The following GRM7 variants were observed in gnomAD, a reference collection of about 807,000 sequenced individuals.
GRM7 encodes the protein metabotropic glutamate receptor 7.
In GRM7, 35 loss-of-function variants were observed where a neutral mutation model predicts 84.5. That is an observed-to-expected ratio of 0.41 (90% CI 0.32 to 0.55). GRM7 has a LOEUF of 0.55. GRM7 is among the 20% of genes least tolerant of loss of function. The pLI is 0.19. For missense variants in GRM7, 1,003 were observed against 1,194.6 expected (o/e 0.84, Z 2.36); for synonymous variants, 487 against 455.1 (o/e 1.07, Z -0.89).
chr3:7,202,182 T>C (rs548085551), intron 2 of GRM7, among the ~76,000 whole-genome samples: 11 of 152,218 alleles, frequency 7.2e-5, no homozygotes, highest in Non-Finnish European at 1.5e-4. Context: ...TTCCATGATA[T>C]ATGTAGAAGA....
intron 1 of GRM7, among the ~76,000 whole-genome samples, chr3:7,068,508 C>A (rs1353831): frequency 0.26 from 39,453 of 151,792 alleles, 5,892 homozygotes; most frequent in African/African-American, 0.41. Flanking sequence ...CTATAAGAAC[C>A]GGTTTTGATT....
chr3:7,016,396 G>T (rs1264509331), intron 1 of GRM7, among the ~76,000 whole-genome samples: 2 of 152,122 alleles, frequency 1.3e-5, no homozygotes, highest in East Asian at 3.9e-4. Flanking sequence ...GAAATTCGGG[G>T]TTTATATAGC....
chr3:7,254,965 T>C (rs565563416), intron 2 of GRM7, among the ~76,000 whole-genome samples: 1 of 152,316 alleles, frequency 6.6e-6, no homozygotes, highest in South Asian at 2.1e-4. Context: ...AATTAACATA[T>C]ATAAGACAAT....
At chr3:7,463,212 A>G (rs1419062357) in intron 7 of GRM7, among the ~76,000 whole-genome samples, 1 of 152,204 alleles carries the variant, frequency 6.6e-6, no homozygotes, top group Non-Finnish European at 1.5e-5. Flanking sequence ...CTTTTCCAGC[A>G]TAAACCCTGC....
At chr3:7,634,200 C>A (rs1697971292) in intron 8 of GRM7, among the ~76,000 whole-genome samples, 1 of 152,038 alleles carries the variant, frequency 6.6e-6, no homozygotes, top group African/African-American at 2.4e-5. Flanking sequence ...GAACTCAGAA[C>A]AGTGTAACTA....
chr3:7,703,457 G>A lies in GRM7; in HGVS notation c.2698+23162G>A, dbSNP rs77054875. ...ACATTAAGACTTTTTTTTTTAATCT[G>A]GTGGATGGCCTACACCCTGGGCTGT... On this transcript the variant is annotated intron_variant, in intron 9 of 9. Transcript: ENST00000357716. 6.5e-3 allele frequency among the ~76,000 whole-genome samples: 977 copies of A among 150,992 alleles called. 17 individuals carry two copies. The highest frequency in any genetic ancestry group is 0.06 in the East Asian group (305 of 5,118).
At chr3:7,367,445 T>G (rs1340032464) in intron 4 of GRM7, among the ~76,000 whole-genome samples, 1 of 151,908 alleles carries the variant, frequency 6.6e-6, no homozygotes, top group Non-Finnish European at 1.5e-5. Flanking sequence ...ATATTCCAAC[T>G]CCCTTAATAA....
At chr3:7,449,706 A>C (rs78180965) in intron 5 of GRM7, among the ~76,000 whole-genome samples, 1 of 152,148 alleles carries the variant, frequency 6.6e-6, no homozygotes. Flanking sequence ...CAGAACCTCA[A>C]ATCAGCAAGA....
chr3:7,153,138 T>TC (rs1044887806), intron 2 of GRM7, among the ~76,000 whole-genome samples: 11 of 150,290 alleles, frequency 7.3e-5, no homozygotes, highest in Non-Finnish European at 1.3e-4. Context: ...TGTGGATTTT[T>TC]TTTTTTTTTT....
At position 7,452,872 on chromosome 3, in the gene GRM7, A is replaced by G. The variant is rs144471689; in HGVS notation, c.1375+65A>G. On this transcript the variant is annotated intron_variant, in intron 6 of 9. Transcript: ENST00000357716. ...GTTGGCATTCTGTTTCATAAGTTTT[A>G]AATGTCTATTATTATTTACTTTAAA... 1.7e-4 allele frequency: 162 copies of G among 968,522 alleles called. 1 individual carries two copies. In the African/African-American group the frequency reaches 2.2e-3, roughly 13 times the overall value. The allele number at this position is 968,522 out of a possible 1,614,324, so 60.0% of individuals were successfully genotyped here.
At chr3:7,254,718 T>C (rs1698133008) in intron 2 of GRM7, among the ~76,000 whole-genome samples, 1 of 152,234 alleles carries the variant, frequency 6.6e-6, no homozygotes, top group East Asian at 1.9e-4. Flanking sequence ...GATTCAACCC[T>C]GGCTCCACCA....
At chr3:7,437,325 A>G (rs1697098776) in intron 5 of GRM7, among the ~76,000 whole-genome samples, 1 of 152,084 alleles carries the variant, frequency 6.6e-6, no homozygotes, top group South Asian at 2.1e-4. Flanking sequence ...TCCTTTCTCT[A>G]TCCACTTCTC....
chr3:7,342,318 A>T (rs1424430592), intron 4 of GRM7, among the ~76,000 whole-genome samples: 1 of 152,146 alleles, frequency 6.6e-6, no homozygotes, highest in Non-Finnish European at 1.5e-5. Flanking sequence ...GTCAAGAAAC[A>T]TCAAAAGTTC....
chr3:7,514,226 A>G (rs979684779), intron 7 of GRM7, among the ~76,000 whole-genome samples: 8 of 152,244 alleles, frequency 5.3e-5, no homozygotes, highest in African/African-American at 1.7e-4. Flanking sequence ...AAAAATCTGT[A>G]ATTCTCCTAT....
intron 8 of GRM7, among the ~76,000 whole-genome samples, chr3:7,668,206 G>A (rs1052372912): frequency 6.6e-6 from 1 of 152,128 alleles, no homozygotes; most frequent in African/African-American, 2.4e-5. Flanking sequence ...TGTGTGCCCT[G>A]GGAGCCTCAG....
intron 4 of GRM7, among the ~76,000 whole-genome samples, chr3:7,307,422 T>G (rs942840566): frequency 3.3e-5 from 5 of 152,194 alleles, no homozygotes; most frequent in Non-Finnish European, 5.9e-5. Context: ...TCTCCAAAGA[T>G]TCTCTAAAAC....
chr3:7,163,929 C>T (rs1694714730), intron 2 of GRM7, among the ~76,000 whole-genome samples: 1 of 152,120 alleles, frequency 6.6e-6, no homozygotes, highest in Admixed American at 6.5e-5. Flanking sequence ...TCCTGAGGTA[C>T]TAATTTAACC....
In GRM7 at chr3:7,512,550, G is replaced by A. The variant is rs535645872; in HGVS notation, c.1515+50828G>A. Among the ~76,000 whole-genome samples, 116 of 151,064 alleles carry A rather than the reference G, an allele frequency of 7.7e-4. 4 individuals carry two copies. The Admixed American group carries it at 7.7e-3, about 10-fold the overall frequency. Reference sequence around the variant, plus strand: ...TTTAGAAATCTTTTTGGAAGAAAATGGATATGTAGGGATCTTGTTTATGTT... The same window carrying A: ...TTTAGAAATCTTTTTGGAAGAAAATAGATATGTAGGGATCTTGTTTATGTT... On this transcript the variant is annotated intron_variant, in intron 7 of 9. Transcript: ENST00000357716.
At chr3:7,413,690 T>G (rs753586723) in intron 4 of GRM7, among the ~76,000 whole-genome samples, 10 of 152,184 alleles carry the variant, frequency 6.6e-5, no homozygotes, top group Non-Finnish European at 1.3e-4. Flanking sequence ...CCAGTTGCCC[T>G]GTGGAATCAA....
Sources: gnomAD v4.1 joint callset for allele counts (sites outside exome capture counted in the v4.1 genomes callset) on GRCh38, gnomAD v4.1.1 for gene constraint, MANE v1.5 for transcripts, NCBI Gene and HGNC (gene_info 2026-07-23, HGNC 2026-07-21) for gene names.